NPAS2: variants seen among roughly 807,000 people sequenced by gnomAD.
NPAS2 encodes neuronal PAS domain protein 2.
In NPAS2, 23 loss-of-function variants were observed where a neutral mutation model predicts 107.5. The ratio of observed to expected loss-of-function variants is 0.21; its 90% CI spans 0.15 to 0.30. The LOEUF is 0.30. Among genes scored for constraint, NPAS2 ranks in the 10% least tolerant of loss-of-function variants. NPAS2 has a pLI of 1.00. For synonymous variants in NPAS2, 403 were observed against 417.5 expected (o/e 0.97, Z 0.42); for missense variants, 756 against 1,043.3 (o/e 0.72, Z 3.79).
rs545033728 is a variant in NPAS2 at position 100,848,971 on chromosome 2, C to T, written c.-23+28557C>T. On this transcript the variant is annotated intron_variant, in intron 1 of 20. Transcript: ENST00000335681. ...ATGGGCCAGGAGGACAGCCAGCACA[C>T]GGGGCAGATGCCGCAGGTCATCCAG... Among the ~76,000 whole-genome samples the T allele has an allele frequency of 1.6e-4, 24 of 152,350 alleles. No homozygotes were observed. The East Asian group carries it at 4.2e-3, about 27-fold the overall frequency.
At position 100,990,878 on chromosome 2, in the gene NPAS2, T is replaced by G; in HGVS notation, c.2111+6T>G. ...AGGACGGGACGGCAAGTCAAGTACGTGGACCCTGGCGGGAGGCAGGAGGCA... is the reference window on the plus strand; with the variant it reads ...AGGACGGGACGGCAAGTCAAGTACGGGGACCCTGGCGGGAGGCAGGAGGCA... On this transcript the variant is annotated splice_donor_region_variant and intron_variant, in intron 19 of 20. Coordinates refer to ENST00000335681, the MANE Select transcript of NPAS2 (RefSeq NM_002518.4). The G allele has an allele frequency of 1.9e-6, 3 of 1,613,682 alleles. No homozygotes were observed. The highest frequency in any genetic ancestry group is 2.5e-6 in the Non-Finnish European group (3 of 1,179,638).
chr2:100,941,915 G>T (rs1436168248), intron 5 of NPAS2, among the ~76,000 whole-genome samples: 1 of 152,138 alleles, frequency 6.6e-6, no homozygotes, highest in South Asian at 2.1e-4. Flanking sequence ...TAATGAGCTG[G>T]ATCGTGCTAA....
Position 100,920,348 on chromosome 2 carries a change from G to A in NPAS2, c.33-4798G>A, listed in dbSNP as rs192050229. ...AGTGAAGTGACTGATATGGTAATTAGCTTAATTTAATCATTCCATGTTGTA... is the reference window on the plus strand; with the variant it reads ...AGTGAAGTGACTGATATGGTAATTAACTTAATTTAATCATTCCATGTTGTA... On this transcript the variant is annotated intron_variant, in intron 2 of 20. Coordinates refer to ENST00000335681, the MANE Select transcript of NPAS2 (RefSeq NM_002518.4). 3.3e-3 allele frequency among the ~76,000 whole-genome samples: 505 copies of A among 152,204 alleles called. 2 individuals carry two copies. The highest frequency in any genetic ancestry group is 0.011 in the African/African-American group (477 of 41,512).
intron 1 of NPAS2, among the ~76,000 whole-genome samples, chr2:100,893,702 C>A (rs1681231444): frequency 6.6e-6 from 1 of 152,206 alleles, no homozygotes; most frequent in Non-Finnish European, 1.5e-5. Context: ...CATGGTTTGG[C>A]AAACTGCTGT....
chr2:100,929,106 C>T (rs1484797051), intron 3 of NPAS2, among the ~76,000 whole-genome samples: 1 of 152,174 alleles, frequency 6.6e-6, no homozygotes, highest in South Asian at 2.1e-4. Context: ...GGTTTTGCCA[C>T]TTTGGCTAGC....
chr2:100,879,554 G>A (rs775844207), intron 1 of NPAS2, among the ~76,000 whole-genome samples: 26 of 151,620 alleles, frequency 1.7e-4, no homozygotes, highest in Non-Finnish European at 3.4e-4. Context: ...TCTTATCTCT[G>A]TTTTTTTAAT....
intron 1 of NPAS2, among the ~76,000 whole-genome samples, chr2:100,888,618 T>C (rs1376052255): frequency 1.3e-5 from 2 of 152,206 alleles, no homozygotes; most frequent in African/African-American, 4.8e-5. Context: ...TAGTATCTGT[T>C]AGAGTTGTTC....
intron 1 of NPAS2, among the ~76,000 whole-genome samples, chr2:100,849,625 T>A (rs1172801314): frequency 6.6e-6 from 1 of 152,216 alleles, no homozygotes; most frequent in East Asian, 1.9e-4. Flanking sequence ...CCATAATGTA[T>A]TTCCTCACTC....
chr2:100,828,652 A>G (rs1448332488), intron 1 of NPAS2, among the ~76,000 whole-genome samples: 1 of 150,998 alleles, frequency 6.6e-6, no homozygotes, highest in African/African-American at 2.5e-5. Context: ...CTGAAGAGAG[A>G]GTCCTTTCCC....
intron 1 of NPAS2, among the ~76,000 whole-genome samples, chr2:100,832,849 C>T (rs943592516): frequency 6.6e-6 from 1 of 152,162 alleles, no homozygotes; most frequent in East Asian, 1.9e-4. Flanking sequence ...AGCTATCTAA[C>T]CTCTCTGTAC....
chr2:100,838,867 G>A (rs1462596853), intron 1 of NPAS2, among the ~76,000 whole-genome samples: 5 of 152,098 alleles, frequency 3.3e-5, no homozygotes, highest in Non-Finnish European at 5.9e-5. Context: ...ACAGAGAAGA[G>A]ATTAAATTTT....
At chr2:100,854,216 C>A (rs1190752312) in intron 1 of NPAS2, among the ~76,000 whole-genome samples, 1 of 150,890 alleles carries the variant, frequency 6.6e-6, no homozygotes, top group African/African-American at 2.4e-5. Context: ...TGGCTGGTGA[C>A]CTCTCTGTGG....
chr2:100,990,513 T>A, intron 18 of NPAS2, 67 bp downstream of exon 18: 1 of 1,534,158 alleles, frequency 6.5e-7, no homozygotes, highest in Non-Finnish European at 9.0e-7. Flanking sequence ...TCAGCTCTAC[T>A]TTCTGCTTTA....
At chr2:100,866,181 G>A (rs1466565605) in intron 1 of NPAS2, among the ~76,000 whole-genome samples, 1 of 152,154 alleles carries the variant, frequency 6.6e-6, no homozygotes, top group Non-Finnish European at 1.5e-5. Flanking sequence ...AGGAGTTGAG[G>A]GGGTGATGGG....
At chr2:100,868,092 A>G (rs1271151154) in intron 1 of NPAS2, among the ~76,000 whole-genome samples, 1 of 152,198 alleles carries the variant, frequency 6.6e-6, no homozygotes, top group Non-Finnish European at 1.5e-5. Context: ...AGCACACTAT[A>G]TTTCCTCACT....
rs760230086 is a variant in NPAS2, at chr2:100,995,547, T to A, written c.2440T>A (p.Ser814Thr). The change falls in exon 21 of 21, where the codon TCT (serine) becomes ACT (threonine). Residue 814 changes from serine (S) to threonine (T), a missense_variant. By Grantham distance (58) the Ser-to-Thr change is moderately conservative. Coordinates refer to ENST00000335681, the MANE Select transcript of NPAS2 (RefSeq NM_002518.4). The part of the protein sequence containing the change: ...LRPPRRVSSL[S>T]ESSGLQQPPR ...TCCTCCCCGAAGGGTCAGCAGTCTG[T>A]CTGAGTCGTCAGGCCTCCAGCAGCC... is the stretch of plus-strand genomic sequence containing the variant. 1.2e-6 allele frequency: 2 copies of A among 1,610,456 alleles called. No individual in the cohort carries two copies. Among genetic ancestry groups the A allele is most frequent in the Non-Finnish European group, 1.7e-6 (2 of 1,178,276 alleles).
At chr2:100,891,303 CA>C (rs965174705) in intron 1 of NPAS2, among the ~76,000 whole-genome samples, 7 of 151,954 alleles carry the variant, frequency 4.6e-5, no homozygotes, top group African/African-American at 1.4e-4. Context: ...TTTCTACCAA[CA>C]AGGTGTGCAG....
intron 2 of NPAS2, among the ~76,000 whole-genome samples, chr2:100,910,934 G>A (rs1038747341): frequency 6.6e-6 from 1 of 152,172 alleles, no homozygotes; most frequent in African/African-American, 2.4e-5. Context: ...TGGAAGTGAG[G>A]GGTTGTGCAC....
intron 1 of NPAS2, among the ~76,000 whole-genome samples, chr2:100,837,552 A>G (rs538414430): frequency 2.0e-5 from 3 of 152,214 alleles, no homozygotes; most frequent in African/African-American, 7.2e-5. Context: ...ACCTCAGGTG[A>G]TCCACCCGCC....
Sources: allele counts gnomAD v4.1 joint callset (sites outside exome capture counted in the v4.1 genomes callset), GRCh38; gene constraint gnomAD v4.1.1; transcripts MANE v1.5; gene names NCBI Gene and HGNC (gene_info 2026-07-23, HGNC 2026-07-21).